The following CNTN4 variants were observed in gnomAD, a reference collection of about 807,000 sequenced individuals.
CNTN4 encodes contactin-4.
CNTN4 carries 77 observed loss-of-function variants against 122.5 expected under a neutral mutation model. The observed-to-expected ratio is 0.63, with a 90% CI of 0.52 to 0.76. The LOEUF is 0.76. Ranked by LOEUF, CNTN4 falls within the 30% of genes least tolerant of loss-of-function variation. The pLI is 0.00. For synonymous variants in CNTN4, 512 were observed against 447.0 expected (o/e 1.15, Z -1.83); for missense variants, 1,256 against 1,259.1 (o/e 1.00, Z 0.04).
intron 14 of CNTN4, among the ~76,000 whole-genome samples, chr3:3,016,919 C>T (rs1400227193): frequency 6.6e-6 from 1 of 152,198 alleles, no homozygotes; most frequent in Non-Finnish European, 1.5e-5. Context: ...TGTGCTCACG[C>T]CGACTGGGGT....
At chr3:2,387,635 C>T (rs1362737386) in intron 3 of CNTN4, among the ~76,000 whole-genome samples, 1 of 151,948 alleles carries the variant, frequency 6.6e-6, no homozygotes, top group African/African-American at 2.4e-5. Flanking sequence ...GATCATAAAC[C>T]TAAAGATAGC....
At chr3:2,534,813 C>A (rs1326045086) in intron 3 of CNTN4, among the ~76,000 whole-genome samples, 1 of 137,678 alleles carries the variant, frequency 7.3e-6, no homozygotes, top group Non-Finnish European at 1.6e-5. Flanking sequence ...AATGAGGGAA[C>A]AATGTATGCT....
chr3:2,918,169 C>G (rs903306244), intron 12 of CNTN4, among the ~76,000 whole-genome samples: 1 of 152,212 alleles, frequency 6.6e-6, no homozygotes, highest in Non-Finnish European at 1.5e-5. Flanking sequence ...GTCACTGCCG[C>G]ATTGCATAAA....
intron 3 of CNTN4, among the ~76,000 whole-genome samples, chr3:2,409,858 T>TTA (rs1257200315): frequency 3.3e-5 from 5 of 151,810 alleles, no homozygotes; most frequent in Admixed American, 6.6e-5. Flanking sequence ...ATTTTCTAAA[T>TTA]TATATATATA....
intron 13 of CNTN4, among the ~76,000 whole-genome samples, chr3:2,964,622 G>C (rs1692113343): frequency 6.6e-6 from 1 of 152,114 alleles, no homozygotes; most frequent in Non-Finnish European, 1.5e-5. Context: ...CATAGCTGCT[G>C]ACCTCAAACC....
chr3:2,657,882 G>A (rs12497881), intron 4 of CNTN4, among the ~76,000 whole-genome samples: 35,324 of 150,968 alleles, frequency 0.23, 4,641 homozygotes, highest in African/African-American at 0.36. Flanking sequence ...CAGCCACACT[G>A]TACCTTCCAT....
chr3:2,672,315 G>T (rs1054754607), intron 4 of CNTN4, among the ~76,000 whole-genome samples: 1 of 152,156 alleles, frequency 6.6e-6, no homozygotes, highest in Non-Finnish European at 1.5e-5. Context: ...CAGCAATGGT[G>T]GGCGCCCCTC....
At chr3:2,975,094 A>T (rs2125133854) in intron 13 of CNTN4, among the ~76,000 whole-genome samples, 1 of 152,222 alleles carries the variant, frequency 6.6e-6, no homozygotes, top group East Asian at 1.9e-4. Flanking sequence ...TTTTTCACAT[A>T]TTCTTTACTT....
chr3:2,111,205 T>G (rs4300993), intron 2 of CNTN4, among the ~76,000 whole-genome samples: 116,923 of 152,124 alleles, frequency 0.77, 45,322 homozygotes, highest in South Asian at 0.91. Flanking sequence ...GCTGTAATGC[T>G]TATATACGCA....
At chr3:2,666,177 T>G (rs1334993774) in intron 4 of CNTN4, among the ~76,000 whole-genome samples, 1 of 152,208 alleles carries the variant, frequency 6.6e-6, no homozygotes, top group Non-Finnish European at 1.5e-5. Context: ...CAATGAATCA[T>G]CTTGTTATCC....
chr3:2,622,856 C>T (rs894482631), intron 4 of CNTN4, among the ~76,000 whole-genome samples: 1 of 152,192 alleles, frequency 6.6e-6, no homozygotes, highest in African/African-American at 2.4e-5. Flanking sequence ...CTGGTGCACT[C>T]TGACTCAAAA....
At chr3:2,718,826 T>A (rs926051794) in intron 4 of CNTN4, among the ~76,000 whole-genome samples, 2 of 152,172 alleles carry the variant, frequency 1.3e-5, no homozygotes, top group African/African-American at 4.8e-5. Flanking sequence ...CATTTTACTT[T>A]TTGTTTTTAA....
At chr3:2,572,099 C>A (rs926946462) in intron 4 of CNTN4, among the ~76,000 whole-genome samples, 1 of 152,084 alleles carries the variant, frequency 6.6e-6, no homozygotes, top group Non-Finnish European at 1.5e-5. Flanking sequence ...TTGGAAAGTT[C>A]AAACATGGCT....
At chr3:2,551,415 C>G (rs1162326288) in intron 3 of CNTN4, among the ~76,000 whole-genome samples, 1 of 151,450 alleles carries the variant, frequency 6.6e-6, no homozygotes, top group African/African-American at 2.4e-5. Flanking sequence ...CACACAAATA[C>G]ACACAAGATT....
At chr3:2,200,663 A>G (rs1177273862) in intron 2 of CNTN4, among the ~76,000 whole-genome samples, 5 of 152,202 alleles carry the variant, frequency 3.3e-5, no homozygotes, top group Non-Finnish European at 5.9e-5. Context: ...TTAAAGCAGG[A>G]TGAAAGTTTT....
At chr3:2,373,089 G>C (rs1051293639) in intron 3 of CNTN4, among the ~76,000 whole-genome samples, 1 of 150,582 alleles carries the variant, frequency 6.6e-6, no homozygotes, top group Non-Finnish European at 1.5e-5. Flanking sequence ...ACCTGAAAAG[G>C]GCTTTGTTTC....
At chr3:2,284,023 G>A (rs1427723882) in intron 2 of CNTN4, among the ~76,000 whole-genome samples, 1 of 151,904 alleles carries the variant, frequency 6.6e-6, no homozygotes, top group Non-Finnish European at 1.5e-5. Context: ...TGCAAATGTG[G>A]GCTAAAACCA....
intron 2 of CNTN4, among the ~76,000 whole-genome samples, chr3:2,247,877 T>C (rs1322701021): frequency 1.3e-5 from 2 of 152,026 alleles, no homozygotes; most frequent in African/African-American, 4.8e-5. Context: ...AAATTTTCTC[T>C]ACAATTCTCT....
intron 2 of CNTN4, among the ~76,000 whole-genome samples, chr3:2,287,063 C>G (rs944733387): frequency 6.6e-6 from 1 of 152,154 alleles, no homozygotes; most frequent in Admixed American, 6.5e-5. Flanking sequence ...CTCACTGGAA[C>G]TCTTTGTTCA....
Sources: gnomAD v4.1 joint callset for allele counts (sites outside exome capture counted in the v4.1 genomes callset) on GRCh38, gnomAD v4.1.1 for gene constraint, MANE v1.5 for transcripts, NCBI Gene and HGNC (gene_info 2026-07-23, HGNC 2026-07-21) for gene names.